AGAP1: variants seen among roughly 807,000 people sequenced by gnomAD.
AGAP1 encodes the protein ArfGAP with GTPase domain, ankyrin repeat and PH domain 1, also known as arf-GAP with GTPase, ANK repeat and PH domain-containing protein 1.
Under a neutral mutation model 105.3 loss-of-function variants are expected in AGAP1, and 29 were observed. That is an observed-to-expected ratio of 0.28 (90% CI 0.21 to 0.38). The LOEUF is 0.38. Ranked by LOEUF, AGAP1 falls within the 10% of genes least tolerant of loss-of-function variation. AGAP1 has a pLI of 1.00. For synonymous variants in AGAP1, 509 were observed against 485.9 expected, an observed-to-expected ratio of 1.05 and a Z score of -0.63; for missense variants, 998 against 1,165.1, an observed-to-expected ratio of 0.86 and a Z score of 2.09.
chr2:236,057,569 G>A (rs1008481245), intron 16 of AGAP1, among the ~76,000 whole-genome samples: 7 of 149,848 alleles, frequency 4.7e-5, no homozygotes, highest in African/African-American at 7.5e-5. Context: ...CTCAACCCCC[G>A]TGTTTCACGT....
At chr2:236,011,976 A>C (rs143425654) in intron 13 of AGAP1, among the ~76,000 whole-genome samples, 1 of 152,260 alleles carries the variant, frequency 6.6e-6, no homozygotes, top group East Asian at 1.9e-4. Flanking sequence ...TATTGATGAT[A>C]ATAGGATTGT....
In AGAP1 at chr2:235,993,018, T is replaced by A. The variant is rs572105295; in HGVS notation, c.1645+24395T>A. On this transcript the variant is annotated intron_variant, in intron 13 of 17. Transcript: ENST00000304032. The surrounding 1 kb of genome is among the most constrained non-coding windows in gnomAD (Gnocchi z 5.0). ...AAGATAGTAGCAAAAGTTATTGTTA[T>A]ACGTTACAAAAAACCAGTTTAAGAC... Among the ~76,000 whole-genome samples, 2 of 152,194 alleles carry A rather than the reference T, an allele frequency of 1.3e-5. No homozygotes were observed. The highest frequency in any genetic ancestry group is 2.9e-5 in the Non-Finnish European group (2 of 68,038).
In AGAP1 at chr2:235,742,191, G is replaced by A. The variant is rs934439241; in HGVS notation, c.396+1143G>A. The stretch of plus-strand genomic sequence containing the variant: ...GGGCAGCATAGGATTGTAAGATGGA[G>A]AAAGTGAAAGATACTGAATACAGGA... On this transcript the variant is annotated intron_variant, in intron 4 of 17. Coordinates refer to ENST00000304032, the MANE Select transcript of AGAP1 (RefSeq NM_001037131.3). Among the ~76,000 whole-genome samples, 5 of 152,300 alleles carry A rather than the reference G, an allele frequency of 3.3e-5. No individual in the cohort carries two copies. The South Asian group carries it at 1.0e-3, about 32-fold the overall frequency.
At chr2:235,697,609 T>G (rs1331621314) in intron 1 of AGAP1, among the ~76,000 whole-genome samples, 1 of 152,200 alleles carries the variant, frequency 6.6e-6, no homozygotes, top group South Asian at 2.1e-4. Context: ...CTTAGTCTGC[T>G]CTTGTGGCGA....
Position 235,612,480 on chromosome 2 carries a change from A to G in AGAP1, c.164-96699A>G, listed in dbSNP as rs900351953. Among the ~76,000 whole-genome samples the G allele has an allele frequency of 2.6e-5, 4 of 152,238 alleles. No homozygotes were observed. The highest frequency in any genetic ancestry group is 2.9e-5 in the Non-Finnish European group (2 of 68,036). On this transcript the variant is annotated intron_variant, in intron 1 of 17. Transcript: ENST00000304032. The surrounding 1 kb of genome is among the most constrained non-coding windows in gnomAD (Gnocchi z 4.3). ...AGTGCTGGGCCCTTCCAGATGATCT[A>G]TGAATTGGTCTTTGCCTTTGTACTT...
rs1576307252 is a variant in AGAP1, at chr2:236,101,836, G to A, written c.2115-18356G>A. On this transcript the variant is annotated intron_variant, in intron 16 of 17. Coordinates refer to ENST00000304032, the MANE Select transcript of AGAP1 (RefSeq NM_001037131.3). This position sits in a 1 kb window ranked among gnomAD's most constrained non-coding sequence, Gnocchi z 4.9. The stretch of plus-strand genomic sequence containing the variant: ...CCCTCTCACTGGGTACACATTTATC[G>A]GGATTTATGCTTTAAAACAGTAGTT... Among the ~76,000 whole-genome samples, 1 of 152,292 alleles carries A rather than the reference G, an allele frequency of 6.6e-6. No individual in the cohort carries two copies. The highest frequency in any genetic ancestry group is 1.9e-4 in the East Asian group (1 of 5,168).
Position 235,989,091 on chromosome 2 carries a change from AAAT to A in AGAP1, c.1645+20475_1645+20477del, listed in dbSNP as rs1443776319. On this transcript the variant is annotated intron_variant, in intron 13 of 17. Transcript: ENST00000304032. This position sits in a 1 kb window ranked among gnomAD's most constrained non-coding sequence, Gnocchi z 4.4. ...TGAGAATTCCTCTCCTGTGTCCTTC[AAAT>A]AATAATGTGAGATGAAGATGATGAT... Among the ~76,000 whole-genome samples the A allele has an allele frequency of 6.6e-6, 1 of 152,174 alleles. No homozygotes were observed. The highest frequency in any genetic ancestry group is 2.4e-5 in the African/African-American group (1 of 41,446).
intron 12 of AGAP1, among the ~76,000 whole-genome samples, chr2:235,942,502 A>G (rs544127905): frequency 6.6e-6 from 1 of 152,010 alleles, no homozygotes; most frequent in East Asian, 1.9e-4. Flanking sequence ...ACATGGAGAT[A>G]CCCCGTCTCT....
intron 16 of AGAP1, among the ~76,000 whole-genome samples, chr2:236,111,635 A>G (rs2059645022): frequency 6.6e-6 from 1 of 152,016 alleles, no homozygotes; most frequent in Admixed American, 6.6e-5. Context: ...TACAAAAAGT[A>G]CAAAAAATTA....
At position 235,550,596 on chromosome 2, in the gene AGAP1, ACAGGTGT is replaced by A. The variant is rs1168662910; in HGVS notation, c.163+55748_163+55754del. On this transcript the variant is annotated intron_variant, in intron 1 of 17. Transcript: ENST00000304032. This position sits in a 1 kb window ranked among gnomAD's most constrained non-coding sequence, Gnocchi z 4.6. ...GCAGGCGTCGGTCTGGGAGCCACAG[ACAGGTGT>A]GTTTGCCGCAGAGGTGCCGAGGGCC... 2.6e-5 allele frequency among the ~76,000 whole-genome samples: 4 copies of A among 152,100 alleles called. No homozygotes were observed. The highest frequency in any genetic ancestry group is 7.2e-5 in the African/African-American group (3 of 41,410).
chr2:235,677,906 CAAAAAAAAAAAAAAAAA>C (rs61111847), intron 1 of AGAP1, among the ~76,000 whole-genome samples: 10 of 62,994 alleles, frequency 1.6e-4, no homozygotes, highest in East Asian at 6.5e-4. Context: ...AGCTCTTTAC[CAAAAAAAAAAAAAAAAA>C]AAAAAAAAAA....
chr2:235,802,983 ATGGTTGTGATGGTGGTGATGGTTG>A (rs1957610996), intron 8 of AGAP1, among the ~76,000 whole-genome samples: 2 of 130,682 alleles, frequency 1.5e-5, no homozygotes, highest in African/African-American at 3.0e-5. Flanking sequence ...TGTGGTTGTG[ATGGTTGTGATGGTGGTGATGGTTG>A]TGGTTGTGAT....
chr2:235,502,911 G>C (rs1011251963), intron 1 of AGAP1, among the ~76,000 whole-genome samples: 1 of 150,302 alleles, frequency 6.7e-6, no homozygotes, highest in African/African-American at 2.4e-5. Flanking sequence ...TAGTCTGAAA[G>C]GCAGAACCGT....
At chr2:235,682,797 C>CGTTTGTGTGTGT (rs1553604616) in intron 1 of AGAP1, among the ~76,000 whole-genome samples, 1 of 149,462 alleles carries the variant, frequency 6.7e-6, no homozygotes, top group African/African-American at 2.5e-5. Context: ...TGTGTGCACA[C>CGTTTGTGTGTGT]GTGTGTGTGT....
intron 16 of AGAP1, among the ~76,000 whole-genome samples, chr2:236,066,250 CAG>C (rs937653065): frequency 4.7e-4 from 72 of 152,244 alleles, no homozygotes; most frequent in African/African-American, 1.5e-3. Flanking sequence ...TTTTTTGAGA[CAG>C]AGTCTCACTC....
At chr2:235,602,224 CAAAT>C (rs1178911679) in intron 1 of AGAP1, among the ~76,000 whole-genome samples, 2 of 152,146 alleles carry the variant, frequency 1.3e-5, no homozygotes, top group African/African-American at 2.4e-5. Context: ...TCAGCGAGCA[CAAAT>C]AAAGCCGTGT....
intron 9 of AGAP1, among the ~76,000 whole-genome samples, chr2:235,838,764 C>A (rs937845695): frequency 3.3e-5 from 5 of 152,198 alleles, no homozygotes; most frequent in African/African-American, 1.2e-4. Context: ...CCATGTGTTA[C>A]ATCCATCCCC....
At chr2:236,099,280 A>G (rs746828328) in intron 16 of AGAP1, among the ~76,000 whole-genome samples, 49 of 152,074 alleles carry the variant, frequency 3.2e-4, no homozygotes, top group Non-Finnish European at 4.6e-4. Flanking sequence ...GTGAAACCCC[A>G]TCTCTACTAA....
chr2:236,030,428 G>A (rs1559207669), intron 13 of AGAP1, among the ~76,000 whole-genome samples: 1 of 152,228 alleles, frequency 6.6e-6, no homozygotes, highest in African/African-American at 2.4e-5. Context: ...CTTTCCTGTA[G>A]AGAAGATACC....
Sources: gnomAD v4.1 joint callset for allele counts (sites outside exome capture counted in the v4.1 genomes callset) on GRCh38, gnomAD v4.1.1 for gene constraint, Gnocchi (gnomAD v3.1) non-coding constraint, MANE v1.5 for transcripts, NCBI Gene and HGNC (gene_info 2026-07-23, HGNC 2026-07-21) for gene names.